OSTF1: variants seen among roughly 807,000 people sequenced by gnomAD.
The protein encoded by OSTF1 is osteoclast-stimulating factor 1.
OSTF1 carries 27 observed loss-of-function variants against 37.2 expected under a neutral mutation model. The ratio of observed to expected loss-of-function variants is 0.73; its 90% confidence interval spans 0.54 to 1.00. OSTF1 has a LOEUF of 1.00. OSTF1 is among the 50% of genes least tolerant of loss of function. The probability of loss-of-function intolerance (pLI) is 0.00; values close to 1 mark genes in which losing one functional copy is unlikely to be tolerated. For synonymous variants in OSTF1, 82 were observed against 89.2 expected, an observed-to-expected ratio of 0.92 and a Z score of 0.46; for missense variants, 232 against 253.8, an observed-to-expected ratio of 0.91 and a Z score of 0.58.
At chr9:75,122,661 A>T (rs948121496) in intron 2 of OSTF1, among the ~76,000 whole-genome samples, 1 of 152,204 alleles carries the variant, frequency 6.6e-6, no homozygotes, top group Non-Finnish European at 1.5e-5. Flanking sequence ...CTTATAGTTC[A>T]AGTCCAGGTT....
At chr9:75,118,789 C>T (rs1048388062) in intron 2 of OSTF1, among the ~76,000 whole-genome samples, 4 of 152,172 alleles carry the variant, frequency 2.6e-5, no homozygotes, top group Admixed American at 6.5e-5. Flanking sequence ...TTCACTACCA[C>T]GAGAACAATA....
At chr9:75,124,367 A>C (rs1354570970) in intron 2 of OSTF1, among the ~76,000 whole-genome samples, 1 of 152,106 alleles carries the variant, frequency 6.6e-6, no homozygotes, top group Non-Finnish European at 1.5e-5. Context: ...AGGTCTTATT[A>C]TTTCTTTCTA....
chr9:75,123,257 T>TA (rs570698018), intron 2 of OSTF1, among the ~76,000 whole-genome samples: 75 of 152,150 alleles, frequency 4.9e-4, no homozygotes, highest in African/African-American at 1.5e-3. Context: ...CCGTCTCTAC[T>TA]AAAAATACAA....
At chr9:75,117,340 C>T (rs1453132936) in intron 1 of OSTF1, among the ~76,000 whole-genome samples, 164 bp from the exon 2 acceptor site, 3 of 152,042 alleles carry the variant, frequency 2.0e-5, no homozygotes, top group African/African-American at 7.2e-5. Flanking sequence ...GAAATCTCTC[C>T]CTGTCCTTCC....
At chr9:75,137,408 A>G (rs758692354) in intron 7 of OSTF1, 130 bp from the exon 8 acceptor site, 2 of 608,552 alleles carry the variant, frequency 3.3e-6, no homozygotes, top group South Asian at 2.1e-5. Context: ...TTGGAATTTT[A>G]TGTGGTTCTA....
intron 8 of OSTF1, among the ~76,000 whole-genome samples, chr9:75,139,026 A>ACTTCTTTCTTTCTTTCTTTCTTTC (rs1564169675): frequency 3.4e-4 from 21 of 61,380 alleles, no homozygotes; most frequent in African/African-American, 1.3e-3. Context: ...ATTTGGGGAC[A>ACTTCTTTCTTTCTTTCTTTCTTTC]CTTCTTTCTT....
intron 1 of OSTF1, among the ~76,000 whole-genome samples, chr9:75,109,161 C>T (rs1280158721): frequency 2.6e-5 from 4 of 151,716 alleles, no homozygotes; most frequent in African/African-American, 4.8e-5. Context: ...TACAGGTGCC[C>T]GCCAACACGC....
intron 3 of OSTF1, 42 bp from the exon 4 acceptor site, chr9:75,130,536 G>T: frequency 7.5e-7 from 1 of 1,328,290 alleles, no homozygotes; most frequent in Non-Finnish European, 1.1e-6. Flanking sequence ...AATGAATGCA[G>T]TCTGGATTTC....
chr9:75,108,516 AATG>A (rs1026473027), intron 1 of OSTF1, among the ~76,000 whole-genome samples: 5 of 152,128 alleles, frequency 3.3e-5, no homozygotes, highest in African/African-American at 9.7e-5. Context: ...TTTAATAATT[AATG>A]ATGATAATGA....
chr9:75,140,913 G>T lies in OSTF1; in HGVS notation c.567G>T (p.Leu189=). ...MATNAACASL[L]KKKQGTDAVR... ...CCAATGCTGCCTGTGCATCTCTCCT[G>T]AAAAAGAAACAGGGAACAGGTATTT... Residue 189 remains leucine, a synonymous_variant, in exon 9 of 10, where the codon CTG becomes CTT. Transcript: ENST00000346234. 1 of 1,611,656 alleles carries T rather than the reference G, an allele frequency of 6.2e-7. No homozygotes were observed. Among genetic ancestry groups the T allele is most frequent in the Non-Finnish European group, 8.5e-7 (1 of 1,177,908 alleles).
rs537502286 is a variant in OSTF1 at position 75,122,929 on chromosome 9, T to C, written c.82-4640T>C. Among the ~76,000 whole-genome samples, 80 of 152,356 alleles carry C rather than the reference T, an allele frequency of 5.3e-4. 1 individual carries two copies. Among genetic ancestry groups the C allele is most frequent in the African/African-American group, 1.8e-3 (73 of 41,592 alleles). Reference sequence around the variant, plus strand: ...AAAATTTCAAAAGTATATCAGTTTTTCTAAACTTTTCATAAAATATATTTG... The same window carrying C: ...AAAATTTCAAAAGTATATCAGTTTTCCTAAACTTTTCATAAAATATATTTG... On this transcript the variant is annotated intron_variant, in intron 2 of 9. Transcript: ENST00000346234.
intron 8 of OSTF1, among the ~76,000 whole-genome samples, chr9:75,139,975 A>C (rs1825914256): frequency 6.6e-6 from 1 of 152,232 alleles, no homozygotes; most frequent in South Asian, 2.1e-4. Flanking sequence ...AATTAGGAGT[A>C]GCCTAAGTGC....
At chr9:75,131,882 T>A in intron 5 of OSTF1, 59 bp downstream of exon 5, 1 of 1,291,628 alleles carries the variant, frequency 7.7e-7, no homozygotes, top group Non-Finnish European at 1.1e-6. Flanking sequence ...GGATTTCAAT[T>A]AGCTTTGACA....
At chr9:75,098,829 T>C (rs1331056346) in intron 1 of OSTF1, among the ~76,000 whole-genome samples, 1 of 152,266 alleles carries the variant, frequency 6.6e-6, no homozygotes, top group East Asian at 1.9e-4. Flanking sequence ...TTTCAGTGCT[T>C]ATCTCTAGAA....
At chr9:75,130,073 C>T (rs1247595584) in intron 3 of OSTF1, among the ~76,000 whole-genome samples, 1 of 151,938 alleles carries the variant, frequency 6.6e-6, no homozygotes, top group Non-Finnish European at 1.5e-5. Flanking sequence ...CAATATTGGT[C>T]ATTAATAAAT....
chr9:75,110,255 G>C (rs183792470), intron 1 of OSTF1, among the ~76,000 whole-genome samples: 60 of 152,104 alleles, frequency 3.9e-4, no homozygotes, highest in African/African-American at 1.4e-3. Flanking sequence ...CTTTTCAACT[G>C]TACCTCCCCC....
At chr9:75,118,934 A>T (rs1049134211) in intron 2 of OSTF1, among the ~76,000 whole-genome samples, 3 of 152,162 alleles carry the variant, frequency 2.0e-5, no homozygotes, top group Non-Finnish European at 4.4e-5. Context: ...GAAACCTGCT[A>T]TCATTGACTT....
intron 2 of OSTF1, among the ~76,000 whole-genome samples, chr9:75,123,057 G>A (rs1379831166): frequency 6.6e-6 from 1 of 152,210 alleles, no homozygotes; most frequent in Non-Finnish European, 1.5e-5. Flanking sequence ...TAACATCCCA[G>A]TGGACAACAG....
chr9:75,135,604 A>T (rs1240118364), intron 7 of OSTF1, among the ~76,000 whole-genome samples: 1 of 152,160 alleles, frequency 6.6e-6, no homozygotes, highest in African/African-American at 2.4e-5. Context: ...TATTTTGGTT[A>T]TCTTTTTAAT....
Sources: allele counts gnomAD v4.1 joint callset (sites outside exome capture counted in the v4.1 genomes callset), GRCh38; gene constraint gnomAD v4.1.1; transcripts MANE v1.5; gene names NCBI Gene and HGNC (gene_info 2026-07-23, HGNC 2026-07-21).